Variants in PAFAH2 observed in about 807,000 individuals in gnomAD.
PAFAH2 encodes platelet activating factor acetylhydrolase 2.
A neutral mutation model predicts 49.0 loss-of-function variants in PAFAH2; 42 were observed. That is an observed-to-expected ratio of 0.86 (90% confidence interval 0.67 to 1.11). The LOEUF (loss-of-function observed/expected upper bound fraction) is 1.11. Among genes scored for constraint, PAFAH2 ranks in the 50% least tolerant of loss-of-function variants. The probability of loss-of-function intolerance (pLI) is 0.00; values close to 1 mark genes in which losing one functional copy is unlikely to be tolerated. For missense variants in PAFAH2, 503 were observed against 501.8 expected, an observed-to-expected ratio of 1.00 and a Z score of -0.02; for synonymous variants, 184 against 181.3, an observed-to-expected ratio of 1.01 and a Z score of -0.12.
At position 25,961,927 on chromosome 1, in the gene PAFAH2, G is replaced by T; in HGVS notation, c.*62C>A. 8.2e-7 allele frequency: 1 copy of T among 1,214,186 alleles called. No homozygotes were observed. The highest frequency in any genetic ancestry group is 1.2e-6 in the Non-Finnish European group (1 of 821,246). The allele number at this position is 1,214,186 out of a possible 1,614,324, so 75.2% of individuals were successfully genotyped here. On this transcript the variant is annotated 3_prime_UTR_variant, in exon 11 of 11. Transcript: ENST00000374282. ...CACTTCTTGATAGGAGCTCATGGGT[G>T]CCCTTGGGTAGCTCCCAAATGAAAA... is the stretch of plus-strand genomic sequence containing the variant.
intron 7 of PAFAH2, among the ~76,000 whole-genome samples, chr1:25,977,723 T>G (rs1047714894): frequency 6.7e-6 from 1 of 149,948 alleles, no homozygotes; most frequent in African/African-American, 2.5e-5. Context: ...CACTGACCCA[T>G]CAGTTTATGA....
chr1:25,989,492 T>G lies in PAFAH2; in HGVS notation c.200A>C (p.Gln67Pro), dbSNP rs1056136399. The change falls in exon 3 of 11, where the codon CAG becomes CCG. Residue 67 changes from glutamine to proline, a missense_variant. Gln to Pro is a moderately conservative substitution (Grantham distance 76). Coordinates refer to ENST00000374282, the MANE Select transcript of PAFAH2 (RefSeq NM_000437.4). ...EYCTGLAEYL[Q>P]FNKRCGGLLF... ...CAAGCCCCCGCAGCGCTTATTAAAC[T>G]GCAGGTACTCGGCCAGGCCAGTGCA... 2 of 1,611,574 alleles carry G rather than the reference T, an allele frequency of 1.2e-6. No homozygotes were observed. Among genetic ancestry groups the G allele is most frequent in the African/African-American group, 2.7e-5 (2 of 74,828 alleles).
chr1:25,984,401 G>A (rs904222495), intron 5 of PAFAH2, 59 bp downstream of exon 5: 3 of 1,231,458 alleles, frequency 2.4e-6, no homozygotes, highest in Middle Eastern at 1.9e-4. Flanking sequence ...CATTGATAGG[G>A]GACTAGCCTA....
chr1:25,990,852 T>C lies in PAFAH2; in HGVS notation c.-36A>G, dbSNP rs1164978545. On this transcript the variant is annotated 5_prime_UTR_variant, in exon 2 of 11. Coordinates refer to ENST00000374282, the MANE Select transcript of PAFAH2 (RefSeq NM_000437.4). ...GGTGAATCAAATGACTTGCCGGAGC[T>C]GAACTTGCTGGCTGGATGGGGGAAC... 16 of 1,560,374 alleles carry C rather than the reference T, an allele frequency of 1.0e-5. No individual in the cohort carries two copies. Among genetic ancestry groups the C allele is most frequent in the Non-Finnish European group, 1.2e-5 (14 of 1,131,744 alleles).
chr1:25,963,801 A>G (rs763832314), intron 10 of PAFAH2, among the ~76,000 whole-genome samples: 2 of 152,154 alleles, frequency 1.3e-5, no homozygotes, highest in South Asian at 4.1e-4. Flanking sequence ...GTGCCTGGCC[A>G]GGCCAATGTT....
intron 7 of PAFAH2, among the ~76,000 whole-genome samples, chr1:25,977,793 G>A (rs556542636): frequency 1.1e-4 from 17 of 152,096 alleles, no homozygotes; most frequent in African/African-American, 3.1e-4. Context: ...AAACTGGTCC[G>A]AGGGTCCATG....
chr1:25,996,394 C>G (rs913654941), intron 1 of PAFAH2, among the ~76,000 whole-genome samples: 2 of 151,512 alleles, frequency 1.3e-5, no homozygotes, highest in South Asian at 2.1e-4. Context: ...GGGCCGGGCG[C>G]GGTGGGAGGC....
chr1:25,992,439 G>A (rs1004350046), intron 1 of PAFAH2, among the ~76,000 whole-genome samples: 1 of 152,116 alleles, frequency 6.6e-6, no homozygotes, highest in Non-Finnish European at 1.5e-5. Context: ...ACATTCCTAC[G>A]GCTCAGCTGC....
rs572341211 is a variant in PAFAH2, at chr1:25,996,455, C to T, written c.-48+1570G>A. Reference sequence around the variant, plus strand: ...GAGATCGAGACCATCCTGGCTAACACGGTGAAACCCTGTCTGTACTAAAAA... The same window carrying T: ...GAGATCGAGACCATCCTGGCTAACATGGTGAAACCCTGTCTGTACTAAAAA... On this transcript the variant is annotated intron_variant, in intron 1 of 10. Coordinates refer to ENST00000374282, the MANE Select transcript of PAFAH2 (RefSeq NM_000437.4). Among the ~76,000 whole-genome samples, 9 of 152,184 alleles carry T rather than the reference C, an allele frequency of 5.9e-5. No homozygotes were observed. In the East Asian group the frequency reaches 1.2e-3, roughly 20 times the overall value.
chr1:25,987,287 TAAAATAAA>T (rs1443260828), intron 4 of PAFAH2, among the ~76,000 whole-genome samples: 1 of 147,710 alleles, frequency 6.8e-6, no homozygotes, highest in African/African-American at 2.6e-5. Context: ...TAAAATAAAA[TAAAATAAA>T]AAGATCTCCA....
intron 10 of PAFAH2, 22 bp from the exon 11 acceptor site, chr1:25,962,105 A>G: frequency 1.3e-6 from 2 of 1,573,876 alleles, no homozygotes; most frequent in Non-Finnish European, 1.7e-6. Flanking sequence ...AAAAACAGGA[A>G]CATTAGGCAA....
At chr1:25,986,820 C>T (rs544804785) in intron 4 of PAFAH2, among the ~76,000 whole-genome samples, 10 of 152,202 alleles carry the variant, frequency 6.6e-5, no homozygotes, top group Admixed American at 2.6e-4. Flanking sequence ...CGTGAGCCAC[C>T]GCGCTCGGCC....
chr1:25,972,969 C>T (rs749850133), intron 9 of PAFAH2, among the ~76,000 whole-genome samples: 42 of 152,140 alleles, frequency 2.8e-4, no homozygotes, highest in Non-Finnish European at 4.9e-4. Context: ...TGGCTTGACC[C>T]GTAGACTACA....
intron 10 of PAFAH2, among the ~76,000 whole-genome samples, chr1:25,971,055 T>C (rs779115704): frequency 1.3e-5 from 2 of 152,196 alleles, no homozygotes; most frequent in Middle Eastern, 6.8e-3. Flanking sequence ...TTCAAATATC[T>C]AGGGAACTGC....
intron 7 of PAFAH2, among the ~76,000 whole-genome samples, chr1:25,980,191 C>T (rs2049661485): frequency 6.6e-6 from 1 of 152,218 alleles, no homozygotes; most frequent in South Asian, 2.1e-4. Context: ...ACTTACTTAG[C>T]TGGGTAATCT....
chr1:25,985,428 T>C (rs1159817124), intron 4 of PAFAH2, among the ~76,000 whole-genome samples: 2 of 152,194 alleles, frequency 1.3e-5, no homozygotes, highest in Non-Finnish European at 2.9e-5. Context: ...GAGGAAACAA[T>C]GTTCCTTATC....
At chr1:25,995,061 A>T (rs998865887) in intron 1 of PAFAH2, among the ~76,000 whole-genome samples, 2 of 152,190 alleles carry the variant, frequency 1.3e-5, no homozygotes, top group South Asian at 4.1e-4. Flanking sequence ...AAAGTCATGG[A>T]ATTTTCCAAG....
At chr1:25,986,717 G>T (rs978104064) in intron 4 of PAFAH2, among the ~76,000 whole-genome samples, 1 of 151,878 alleles carries the variant, frequency 6.6e-6, no homozygotes, top group African/African-American at 2.4e-5. Flanking sequence ...TTTTAGTAGA[G>T]ACAGGGTTTC....
intron 2 of PAFAH2, among the ~76,000 whole-genome samples, 165 bp from the exon 3 acceptor site, chr1:25,989,766 G>A (rs1430129535): frequency 6.6e-6 from 1 of 152,218 alleles, no homozygotes; most frequent in Admixed American, 6.5e-5. Flanking sequence ...AATCTGGAAA[G>A]AAGCAATTTG....
Sources: allele counts gnomAD v4.1 joint callset (sites outside exome capture counted in the v4.1 genomes callset), GRCh38; gene constraint gnomAD v4.1.1; transcripts MANE v1.5; gene names NCBI Gene and HGNC (gene_info 2026-07-23, HGNC 2026-07-21).